ADH4: variants seen among roughly 807,000 people sequenced by gnomAD.
ADH4 encodes alcohol dehydrogenase 4 (class II), pi polypeptide.
A neutral mutation model predicts 35.2 loss-of-function variants in ADH4; 31 were observed. The observed-to-expected ratio is 0.88, with a 90% confidence interval of 0.66 to 1.19. The LOEUF (loss-of-function observed/expected upper bound fraction) is 1.19, where lower values mean the gene tolerates loss of function less well. Ranked by LOEUF, ADH4 falls within the 50% of genes most tolerant of loss-of-function variation. The pLI is 0.00. For missense variants in ADH4, 476 were observed against 458.3 expected (o/e 1.04, Z -0.35); for synonymous variants, 171 against 160.2 (o/e 1.07, Z -0.51).
intron 1 of ADH4, chr4:99,143,489 C>G (rs1729703326): frequency 3.3e-6 from 1 of 306,942 alleles, no homozygotes; most frequent in South Asian, 6.5e-5. Context: ...TTTTTCTAGC[C>G]TCAAATTATA....
Position 99,127,291 on chromosome 4 carries a change from T to C in ADH4, c.897A>G (p.Gly299=). 1 of 1,612,636 alleles carries C rather than the reference T, an allele frequency of 6.2e-7. No individual in the cohort carries two copies. Among genetic ancestry groups the C allele is most frequent in the Non-Finnish European group, 8.5e-7 (1 of 1,179,148 alleles). ...TAGWGSCTFI[G]VAAGSKGLTI... ...TCAATCCTTTGCTACCAGCAGCTAC[T>C]CCAATGAAAGTACATGATCCCCAGC... The change falls in exon 7 of 9, where the codon GGA becomes GGG. Residue 299 remains glycine (G), a synonymous_variant. Transcript: ENST00000265512.
chr4:99,132,961 A>G, intron 5 of ADH4, among the ~76,000 whole-genome samples: 1 of 152,312 alleles, frequency 6.6e-6, no homozygotes, highest in Non-Finnish European at 1.5e-5. Context: ...ATGTATATAT[A>G]TTGCAAATAG....
At chr4:99,129,659 T>C (rs752239715) in intron 6 of ADH4, among the ~76,000 whole-genome samples, 1 of 152,212 alleles carries the variant, frequency 6.6e-6, no homozygotes, top group Non-Finnish European at 1.5e-5. Context: ...ATAACTCTTT[T>C]CTTTAGCTTT....
At chr4:99,143,544 A>C (rs1238252698) in intron 1 of ADH4, among the ~76,000 whole-genome samples, 1 of 152,174 alleles carries the variant, frequency 6.6e-6, no homozygotes, top group East Asian at 1.9e-4. Context: ...AGTAGAAAGA[A>C]ACAAACCTAT....
intron 3 of ADH4, among the ~76,000 whole-genome samples, chr4:99,140,684 A>G (rs184909604): frequency 2.0e-5 from 3 of 151,896 alleles, no homozygotes; most frequent in Non-Finnish European, 2.9e-5. Context: ...CCTAGCCAAC[A>G]TGGTGAAAAC....
rs147214679 is a variant in ADH4, at chr4:99,131,836, G to A, written c.583-72C>T. The A allele has an allele frequency of 1.2e-4, 182 of 1,491,380 alleles. No homozygotes were observed. In the African/African-American group the frequency reaches 2.4e-3, roughly 19 times the overall value. The allele number at this position is 1,491,380 out of a possible 1,614,324, so 92.4% of individuals were successfully genotyped here. ...ACTTTTTTTCTTTTAAGAGTCAGGA[G>A]GAAGTGGGGGCATGAACATATGAAT... is the stretch of plus-strand genomic sequence containing the variant. On this transcript the variant is annotated intron_variant, in intron 5 of 8. Transcript: ENST00000265512.
intron 5 of ADH4, among the ~76,000 whole-genome samples, chr4:99,133,204 C>T (rs1729341368): frequency 6.6e-6 from 1 of 152,092 alleles, no homozygotes; most frequent in Admixed American, 6.6e-5. Context: ...CAACTGGACC[C>T]CTGTGTGTAA....
intron 4 of ADH4, 152 bp downstream of exon 4, chr4:99,138,909 G>T: frequency 1.8e-6 from 1 of 547,358 alleles, no homozygotes; most frequent in Non-Finnish European, 3.2e-6. Context: ...ATGTTTCTTT[G>T]TGTGCACTTG....
chr4:99,129,823 C>G (rs35662508), intron 6 of ADH4, among the ~76,000 whole-genome samples: 32,041 of 152,048 alleles, frequency 0.21, 4,050 homozygotes, highest in Non-Finnish European at 0.29. Context: ...TTAAATTTTT[C>G]AATGTAACCA....
chr4:99,136,637 G>C lies in ADH4; in HGVS notation c.411C>G (p.Thr137=), dbSNP rs760122494. ...QLMEDKTSRF[T]CKGKPVYHFF... is the part of the protein sequence containing the mutation. ...AATGGTAAACTGGTTTTCCTTTGCA[G>C]GTAAACCTGCTGGTTTTGTCTTCCA... The change falls in exon 5 of 9, where the codon ACC becomes ACG. Residue 137 remains threonine (T), a synonymous_variant. Transcript: ENST00000265512. The C allele has an allele frequency of 6.2e-7, 1 of 1,614,046 alleles. No homozygotes were observed. Among genetic ancestry groups the C allele is most frequent in the East Asian group, 2.2e-5 (1 of 44,868 alleles).
chr4:99,141,706 A>G (rs1729631808), intron 2 of ADH4, 24 bp from the exon 3 acceptor site: 2 of 1,605,510 alleles, frequency 1.2e-6, no homozygotes, highest in Middle Eastern at 3.3e-4. Flanking sequence ...ACAGACTTTA[A>G]TTGTGTTTCT....
At chr4:99,125,930 G>T (rs983122224) in intron 8 of ADH4, among the ~76,000 whole-genome samples, 1 of 152,014 alleles carries the variant, frequency 6.6e-6, no homozygotes, top group East Asian at 1.9e-4. Flanking sequence ...TAATGTTTTT[G>T]ACCTTTGTTT....
intron 5 of ADH4, among the ~76,000 whole-genome samples, chr4:99,132,909 A>G (rs1455189183): frequency 6.6e-6 from 1 of 152,206 alleles, no homozygotes; most frequent in Non-Finnish European, 1.5e-5. Flanking sequence ...AATATTAGGT[A>G]TACACACCTC....
intron 3 of ADH4, among the ~76,000 whole-genome samples, chr4:99,139,997 C>T (rs1233043006): frequency 1.3e-5 from 2 of 152,164 alleles, no homozygotes; most frequent in Non-Finnish European, 2.9e-5. Flanking sequence ...AAGAGTGGCA[C>T]GGTTCATCTG....
intron 6 of ADH4, 43 bp from the exon 7 acceptor site, chr4:99,127,387 A>G: frequency 6.6e-7 from 1 of 1,506,500 alleles, no homozygotes; most frequent in Middle Eastern, 1.7e-4. Flanking sequence ...GTGGAAAAGT[A>G]GAATATGAAC....
chr4:99,125,183 G>C lies in ADH4; in HGVS notation c.1119-717C>G, dbSNP rs150600779. On this transcript the variant is annotated intron_variant, in intron 8 of 8. Coordinates refer to ENST00000265512, the MANE Select transcript of ADH4 (RefSeq NM_000670.5). ...GCTTCTTTGCAGTTGGGTGGTAGGA[G>C]GGCCTGCCCTCTCTTGTGCTTCCTG... Among the ~76,000 whole-genome samples, 456 of 152,284 alleles carry C rather than the reference G, an allele frequency of 3.0e-3. 3 individuals carry two copies. Among genetic ancestry groups the C allele is most frequent in the African/African-American group, 0.01 (434 of 41,568 alleles).
chr4:99,143,231 G>A (rs551576005), intron 1 of ADH4: 89 of 701,944 alleles, frequency 1.3e-4, no homozygotes, highest in African/African-American at 9.2e-4. Flanking sequence ...TGTGGTCCTC[G>A]GACAAGCATT....
Position 99,126,635 on chromosome 4 carries a change from GTC to G in ADH4, c.1075_1076del (p.Asp359GlnfsTer4), listed in dbSNP as rs1353592706. ...TTAGGTCAAATGCCTCACTGATTTT[GTC>G]AAAAGGCAGGGTATGGGTCACCAGT... ...DALVTHTLPF[D>X]KISEAFDLMN... is the part of the protein sequence containing the mutation. On this transcript the variant is annotated frameshift_variant, in exon 8 of 9. Coordinates refer to ENST00000265512, the MANE Select transcript of ADH4 (RefSeq NM_000670.5). LOFTEE classifies it high-confidence loss of function. 6.2e-7 allele frequency: 1 copy of G among 1,609,734 alleles called. No homozygotes were observed. The highest frequency in any genetic ancestry group is 2.2e-5 in the East Asian group (1 of 44,858).
chr4:99,129,158 T>C (rs1290215275), intron 6 of ADH4, among the ~76,000 whole-genome samples: 1 of 151,808 alleles, frequency 6.6e-6, no homozygotes, highest in African/African-American at 2.4e-5. Context: ...AGTTATTTAC[T>C]TAAAAAGATA....
Sources: gnomAD v4.1 joint callset for allele counts (sites outside exome capture counted in the v4.1 genomes callset) on GRCh38, gnomAD v4.1.1 for gene constraint, MANE v1.5 for transcripts, NCBI Gene and HGNC (gene_info 2026-07-23, HGNC 2026-07-21) for gene names.